PDS5B: variants seen among roughly 807,000 people sequenced by gnomAD.
PDS5B encodes sister chromatid cohesion protein PDS5 homolog B.
In PDS5B, 51 loss-of-function variants were observed where a neutral mutation model predicts 184.1. The observed-to-expected ratio is 0.28, with a 90% confidence interval of 0.22 to 0.35. The LOEUF (loss-of-function observed/expected upper bound fraction) is 0.35, where lower values mean the gene tolerates loss of function less well. Ranked by LOEUF, PDS5B falls within the 10% of genes least tolerant of loss-of-function variation. The pLI is 1.00. For missense variants in PDS5B, 1,180 were observed against 1,723.3 expected, an observed-to-expected ratio of 0.68 and a Z score of 5.58; for synonymous variants, 566 against 569.2, an observed-to-expected ratio of 0.99 and a Z score of 0.08.
At position 32,770,668 on chromosome 13, in the gene PDS5B, A is replaced by T. The variant is rs185345116; in HGVS notation, c.4079A>T (p.Glu1360Val). 989 of 1,610,928 alleles carry T rather than the reference A, an allele frequency of 6.1e-4. 4 individuals carry two copies. The highest frequency in any genetic ancestry group is 6.4e-5 in the Non-Finnish European group (76 of 1,178,650). ...RRAQQRAESP[E>V]SSAIESTQST... ...CCCCAAAGCAGAGCAGAATCTCCTG[A>T]ATCTAGTGCAATTGAATCCACACAG... Residue 1360 changes from glutamate to valine, a missense_variant, in exon 33 of 35, where the codon GAA becomes GTA. Glu to Val is a moderately radical substitution (Grantham distance 121, BLOSUM62 -2). Around this residue, in one of 11 missense-constraint regions of PDS5B, gnomAD observed 465 missense variants for 497.8 expected, o/e 0.93. Coordinates refer to ENST00000315596, the MANE Select transcript of PDS5B (RefSeq NM_015032.4).
At chr13:32,625,833 GT>G (rs1197220238) in intron 1 of PDS5B, among the ~76,000 whole-genome samples, 1 of 141,598 alleles carries the variant, frequency 7.1e-6, no homozygotes, top group Non-Finnish European at 1.5e-5. Flanking sequence ...GCTGAGACCA[GT>G]ATTCTTTTTT....
chr13:32,691,640 C>T (rs569619446), intron 13 of PDS5B, among the ~76,000 whole-genome samples: 23 of 151,990 alleles, frequency 1.5e-4, no homozygotes, highest in African/African-American at 5.3e-4. Context: ...TTCATTTGTC[C>T]GGAGTGTAGT....
At chr13:32,669,557 A>G (rs1022751096) in intron 7 of PDS5B, among the ~76,000 whole-genome samples, 3 of 152,184 alleles carry the variant, frequency 2.0e-5, no homozygotes, top group African/African-American at 7.2e-5. Context: ...GGCTGAGGAA[A>G]TATTTTTAAC....
intron 24 of PDS5B, among the ~76,000 whole-genome samples, chr13:32,749,561 C>A (rs892586815): frequency 3.3e-5 from 5 of 152,132 alleles, no homozygotes; most frequent in African/African-American, 1.2e-4. Flanking sequence ...CTCTGTACTT[C>A]TGTGTGCTGT....
intron 1 of PDS5B, among the ~76,000 whole-genome samples, chr13:32,598,656 A>AG (rs1271994985): frequency 2.6e-5 from 4 of 151,944 alleles, no homozygotes; most frequent in African/African-American, 9.7e-5. Context: ...CATAATGCAT[A>AG]GGTCTAGTAA....
intron 26 of PDS5B, among the ~76,000 whole-genome samples, chr13:32,756,773 T>A (rs546757892): frequency 6.6e-6 from 1 of 152,320 alleles, no homozygotes; most frequent in South Asian, 2.1e-4. Flanking sequence ...TGAATTCTCA[T>A]GGCAAAGGAA....
intron 1 of PDS5B, among the ~76,000 whole-genome samples, chr13:32,598,156 A>C (rs534165411): frequency 6.8e-6 from 1 of 146,778 alleles, no homozygotes; most frequent in African/African-American, 2.5e-5. Context: ...GCGCACTGCA[A>C]CCTCCACCTC....
chr13:32,602,689 T>C (rs148442652), intron 1 of PDS5B, among the ~76,000 whole-genome samples: 12 of 152,374 alleles, frequency 7.9e-5, no homozygotes, highest in Admixed American at 2.0e-4. Context: ...TCCACAATGG[T>C]TGAACTAGTT....
chr13:32,609,521 A>G (rs1343094110), intron 1 of PDS5B, among the ~76,000 whole-genome samples: 1 of 152,184 alleles, frequency 6.6e-6, no homozygotes, highest in African/African-American at 2.4e-5. Flanking sequence ...GGGTGAACCA[A>G]GCTTGCTTGC....
At position 32,683,735 on chromosome 13, in the gene PDS5B, C is replaced by T. The variant is rs988741348; in HGVS notation, c.1058-143C>T. On this transcript the variant is annotated intron_variant, in intron 10 of 34. Coordinates refer to ENST00000315596, the MANE Select transcript of PDS5B (RefSeq NM_015032.4). ...GAAGAACTAATCTTCTTTCTTCCTT[C>T]CCTTTCTTTCTGGGCTCTTAATTTT... 7.3e-6 allele frequency: 4 copies of T among 547,620 alleles called. No homozygotes were observed. In the East Asian group the frequency reaches 1.4e-4, roughly 19 times the overall value. 33.9% of individuals were successfully genotyped at this position (547,620 alleles called of 1,614,324 possible). A position where few individuals can be genotyped will look rare whatever the true frequency, so the allele number is the denominator to read the frequency against.
At chr13:32,611,071 G>T (rs1449515997) in intron 1 of PDS5B, among the ~76,000 whole-genome samples, 3 of 151,246 alleles carry the variant, frequency 2.0e-5, no homozygotes, top group African/African-American at 7.3e-5. Flanking sequence ...TTACTTATGT[G>T]AATTGATCAC....
intron 21 of PDS5B, among the ~76,000 whole-genome samples, chr13:32,736,320 A>T (rs945611029): frequency 2.6e-5 from 4 of 152,004 alleles, no homozygotes; most frequent in Admixed American, 1.3e-4. Flanking sequence ...ATTTCCACTA[A>T]TGAATTTTCT....
intron 1 of PDS5B, among the ~76,000 whole-genome samples, chr13:32,623,107 T>C (rs1012615549): frequency 6.6e-6 from 1 of 152,204 alleles, no homozygotes; most frequent in Admixed American, 6.5e-5. Context: ...AATCAGTTCC[T>C]GGGTGAGGGT....
chr13:32,623,425 A>G (rs2058328598), intron 1 of PDS5B, among the ~76,000 whole-genome samples: 1 of 152,172 alleles, frequency 6.6e-6, no homozygotes, highest in Non-Finnish European at 1.5e-5. Context: ...TGTTCGTTAT[A>G]CAAAGTCGGT....
intron 20 of PDS5B, 43 bp from the exon 21 acceptor site, chr13:32,735,129 A>C: frequency 8.2e-7 from 1 of 1,223,966 alleles, no homozygotes; most frequent in African/African-American, 1.5e-5. Flanking sequence ...GTTTATTTGT[A>C]TATGTGTAGA....
intron 1 of PDS5B, among the ~76,000 whole-genome samples, chr13:32,614,344 C>G (rs2140517461): frequency 6.7e-6 from 1 of 149,020 alleles, no homozygotes; most frequent in East Asian, 2.0e-4. Flanking sequence ...GTCACCCAGG[C>G]TGGAGTGCAG....
intron 7 of PDS5B, among the ~76,000 whole-genome samples, chr13:32,668,931 A>C (rs1183468338): frequency 6.6e-6 from 1 of 152,182 alleles, no homozygotes; most frequent in Non-Finnish European, 1.5e-5. Context: ...GATTTGGAAA[A>C]ATTAATTTAA....
At chr13:32,726,365 T>C (rs1952900135) in intron 19 of PDS5B, among the ~76,000 whole-genome samples, 1 of 152,202 alleles carries the variant, frequency 6.6e-6, no homozygotes, top group Non-Finnish European at 1.5e-5. Flanking sequence ...TTATGGACAT[T>C]GGGTTGTTTT....
chr13:32,651,614 A>G (rs1016013380), intron 2 of PDS5B, among the ~76,000 whole-genome samples, 190 bp from the exon 3 acceptor site: 6 of 152,344 alleles, frequency 3.9e-5, no homozygotes, highest in South Asian at 2.1e-4. Flanking sequence ...AAAATATTTT[A>G]GTAAGTCTTT....
Sources: allele counts gnomAD v4.1 joint callset (sites outside exome capture counted in the v4.1 genomes callset), GRCh38; gene constraint gnomAD v4.1.1; regional missense constraint gnomAD v4.1.1; transcripts MANE v1.5; gene names NCBI Gene and HGNC (gene_info 2026-07-23, HGNC 2026-07-21).